Variants in ZNF10 observed in about 807,000 individuals in gnomAD.
ZNF10 encodes zinc finger protein 10, also known as zinc finger protein 10 (KOX 1).
In ZNF10, 8 loss-of-function variants were observed where a neutral mutation model predicts 12.2. That is an observed-to-expected ratio of 0.66 (90% CI 0.39 to 1.18). ZNF10 has a LOEUF of 1.18. ZNF10 is among the 50% of genes most tolerant of loss of function. The probability of loss-of-function intolerance (pLI) is 0.01; values close to 1 mark genes in which losing one functional copy is unlikely to be tolerated. For missense variants in ZNF10, 603 were observed against 678.9 expected (o/e 0.89, Z 1.24); for synonymous variants, 229 against 228.2 (o/e 1.00, Z -0.03).
intron 4 of ZNF10, among the ~76,000 whole-genome samples, chr12:133,152,780 T>C (rs554110979): frequency 1.2e-4 from 18 of 148,524 alleles, no homozygotes; most frequent in Non-Finnish European, 2.2e-4. Context: ...CATCTCAGAC[T>C]TTGAGTGTGA....
At chr12:133,150,977 G>T (rs1956003390) in intron 2 of ZNF10, 51 bp from the exon 3 acceptor site, 7 of 1,588,604 alleles carry the variant, frequency 4.4e-6, no homozygotes, top group Non-Finnish European at 6.0e-6. Context: ...CAGGAAAGGG[G>T]GATAGCAAAG....
intron 4 of ZNF10, among the ~76,000 whole-genome samples, chr12:133,153,580 T>C (rs550031829): frequency 6.6e-6 from 1 of 152,234 alleles, no homozygotes; most frequent in Non-Finnish European, 1.5e-5. Flanking sequence ...GTATTTCCTA[T>C]TAAAAATCAT....
chr12:133,156,845 A>G lies in ZNF10; in HGVS notation c.1599A>G (p.Ile533Met), dbSNP rs1956045675. The change falls in exon 5 of 5, where the codon ATA becomes ATG. Residue 533 changes from isoleucine (I) to methionine (M), a missense_variant. By Grantham distance (10) the Ile-to-Met change is conservative (BLOSUM62 1). Around this residue, in one of 3 missense-constraint regions of ZNF10, gnomAD observed 204 missense variants for 262.8 expected, o/e 0.78. Transcript: ENST00000248211. The stretch of plus-strand genomic sequence containing the variant: ...TCTTCAGCCAGAACTCTCCATTTAT[A>G]GTTCATCAAATAGCTCACACTGGAG... ...GIIFSQNSPF[I>M]VHQIAHTGEQ... 6.5e-7 allele frequency: 1 copy of G among 1,531,600 alleles called. No individual in the cohort carries two copies. Among genetic ancestry groups the G allele is most frequent in the Non-Finnish European group, 8.7e-7 (1 of 1,143,402 alleles). 94.9% of individuals were successfully genotyped at this position (1,531,600 alleles called of 1,614,324 possible).
rs894965677 is a variant in ZNF10, at chr12:133,139,258, A to G, written c.-59-5176A>G. ...CTTCCTGGAGAAATTAGGTAATGACATAAGAATGGATAATGTTTGATCTTG... is the reference window on the plus strand; with the variant it reads ...CTTCCTGGAGAAATTAGGTAATGACGTAAGAATGGATAATGTTTGATCTTG... On this transcript the variant is annotated intron_variant, in intron 1 of 4. Coordinates refer to ENST00000248211, the MANE Select transcript of ZNF10 (RefSeq NM_015394.5). 6 of 152,262 alleles carry G rather than the reference A, an allele frequency of 3.9e-5. 1 individual carries two copies. The East Asian group carries it at 7.7e-4, about 20-fold the overall frequency. The allele number at this position is 152,262 out of a possible 1,614,324, so 9.4% of individuals were successfully genotyped here.
chr12:133,157,948 A>T lies in ZNF10; in HGVS notation c.*980A>T, dbSNP rs1442348357. On this transcript the variant is annotated 3_prime_UTR_variant, in exon 5 of 5. Coordinates refer to ENST00000248211, the MANE Select transcript of ZNF10 (RefSeq NM_015394.5). ...GAACAAGTATTTAAACAATATTTAG[A>T]GCAAGTGTCCTCATGTGATAAACAG... 6.6e-6 allele frequency: 1 copy of T among 152,244 alleles called. No individual in the cohort carries two copies. Among genetic ancestry groups the T allele is most frequent in the Non-Finnish European group, 1.5e-5 (1 of 68,042 alleles). 9.4% of individuals were successfully genotyped at this position (152,244 alleles called of 1,614,324 possible).
chr12:133,150,356 G>A (rs1405595946), intron 2 of ZNF10, among the ~76,000 whole-genome samples: 3 of 152,100 alleles, frequency 2.0e-5, no homozygotes, highest in Admixed American at 2.0e-4. Context: ...TGGTTTGTCT[G>A]TTCTTTCAAC....
intron 2 of ZNF10, 88 bp downstream of exon 2, chr12:133,144,613 T>C (rs1955965316): frequency 7.5e-7 from 1 of 1,330,718 alleles, no homozygotes; most frequent in Non-Finnish European, 1.1e-6. Context: ...TTATATCTTC[T>C]TCTCCAGCAG....
intron 2 of ZNF10, 153 bp from the exon 3 acceptor site, chr12:133,150,875 G>T (rs1297090111): frequency 2.4e-6 from 2 of 832,330 alleles, no homozygotes; most frequent in South Asian, 6.6e-5. Flanking sequence ...GACTTGACTA[G>T]AATAAATACT....
Position 133,156,281 on chromosome 12 carries a change from A to G in ZNF10, c.1035A>G (p.Gly345=), listed in dbSNP as rs755753452. The G allele has an allele frequency of 8.7e-6, 14 of 1,614,166 alleles. No homozygotes were observed. In the South Asian group the frequency reaches 1.5e-4, roughly 18 times the overall value. Reference sequence around the variant, plus strand: ...TTACTCATCAGAGAACTCATACAGGAGACAAACTGTACACATGTAATCAGT... The same window carrying G: ...TTACTCATCAGAGAACTCATACAGGGGACAAACTGTACACATGTAATCAGT... ...HLVTHQRTHT[G]DKLYTCNQCG... is the part of the protein sequence containing the mutation. The change falls in exon 5 of 5, where the codon GGA becomes GGG. Residue 345 remains glycine, a synonymous_variant. Transcript: ENST00000248211.
In ZNF10 at chr12:133,143,334, C is replaced by CA. The variant is rs200153063; in HGVS notation, c.-59-1088dup. Among the ~76,000 whole-genome samples the CA allele has an allele frequency of 8.1e-3, 1,072 of 132,646 alleles. 8 individuals carry two copies. The highest frequency in any genetic ancestry group is 0.022 in the African/African-American group (798 of 36,088). The allele number at this position is 132,646 out of a possible 152,430, so 87.0% of individuals were successfully genotyped here. A position where few individuals can be genotyped will look rare whatever the true frequency, so the allele number is the denominator to read the frequency against. On this transcript the variant is annotated intron_variant, in intron 1 of 4. Coordinates refer to ENST00000248211, the MANE Select transcript of ZNF10 (RefSeq NM_015394.5). ...GGATACTTAAAAACAGTTAAAATGG[C>CA]AAAAAAAAAAAATTATTTTACTGCA...
chr12:133,145,410 A>G (rs78669176), intron 2 of ZNF10, among the ~76,000 whole-genome samples: 4,978 of 152,246 alleles, frequency 0.033, 261 homozygotes, highest in African/African-American at 0.11. Context: ...TTAACACGGT[A>G]TTGTACTGTT....
rs1431692755 is a variant in ZNF10, at chr12:133,159,334, TA to T, written c.*2370del. Reference sequence around the variant, plus strand: ...GTGTAATGGAAGATTATGCAGGCATTAAAATATGTACACAAAAAGTTTGGTA... The same window carrying T: ...GTGTAATGGAAGATTATGCAGGCATTAAATATGTACACAAAAAGTTTGGTA... On this transcript the variant is annotated 3_prime_UTR_variant, in exon 5 of 5. Transcript: ENST00000248211. 7 of 152,222 alleles carry T rather than the reference TA, an allele frequency of 4.6e-5. No individual in the cohort carries two copies. The highest frequency in any genetic ancestry group is 1.0e-4 in the Non-Finnish European group (7 of 68,040). 9.4% of individuals were successfully genotyped at this position (152,222 alleles called of 1,614,324 possible).
At chr12:133,145,842 A>C (rs572169073) in intron 2 of ZNF10, among the ~76,000 whole-genome samples, 7 of 150,430 alleles carry the variant, frequency 4.7e-5, no homozygotes, top group East Asian at 2.0e-4. Context: ...AACAAAAAAA[A>C]CACAAAATTT....
chr12:133,152,755 A>G (rs868711067), intron 4 of ZNF10, among the ~76,000 whole-genome samples: 2 of 152,122 alleles, frequency 1.3e-5, no homozygotes, highest in Non-Finnish European at 2.9e-5. Flanking sequence ...AAATTTATTT[A>G]TAGGCATTTC....
intron 4 of ZNF10, among the ~76,000 whole-genome samples, chr12:133,153,579 A>G (rs1956021171): frequency 1.3e-5 from 2 of 152,098 alleles, no homozygotes; most frequent in South Asian, 2.1e-4. Context: ...TGTATTTCCT[A>G]TTAAAAATCA....
intron 1 of ZNF10, among the ~76,000 whole-genome samples, chr12:133,141,260 A>C (rs955256521): frequency 6.6e-6 from 1 of 152,234 alleles, no homozygotes; most frequent in Non-Finnish European, 1.5e-5. Context: ...AACAAAGCTT[A>C]AGGAAATTTA....
chr12:133,154,018 C>T (rs1056337296), intron 4 of ZNF10, among the ~76,000 whole-genome samples: 1 of 151,964 alleles, frequency 6.6e-6, no homozygotes, highest in Non-Finnish European at 1.5e-5. Flanking sequence ...ATTTCTGGTA[C>T]TACCTCATCA....
chr12:133,141,806 T>TA (rs778013253), intron 1 of ZNF10, among the ~76,000 whole-genome samples: 1 of 152,108 alleles, frequency 6.6e-6, no homozygotes, highest in Non-Finnish European at 1.5e-5. Flanking sequence ...TGTCAAAACT[T>TA]AATGAAACTA....
chr12:133,141,425 T>C (rs948948414), intron 1 of ZNF10, among the ~76,000 whole-genome samples: 13 of 152,172 alleles, frequency 8.5e-5, no homozygotes, highest in Non-Finnish European at 7.3e-5. Flanking sequence ...ATAGATATTA[T>C]TATTAGCAGA....
Sources: gnomAD v4.1 joint callset for allele counts (sites outside exome capture counted in the v4.1 genomes callset) on GRCh38, gnomAD v4.1.1 for gene constraint, gnomAD v4.1.1 regional missense constraint, MANE v1.5 for transcripts, NCBI Gene and HGNC (gene_info 2026-07-23, HGNC 2026-07-21) for gene names.